Variants in RNF111 observed in about 807,000 individuals in gnomAD.
RNF111 encodes E3 ubiquitin-protein ligase Arkadia.
Under a neutral mutation model 95.1 loss-of-function variants are expected in RNF111, and 17 were observed. The ratio of observed to expected loss-of-function variants is 0.18; its 90% CI spans 0.12 to 0.27. RNF111 has a LOEUF of 0.27. Among genes scored for constraint, RNF111 ranks in the 10% least tolerant of loss-of-function variants. The pLI, the probability that RNF111 is intolerant of heterozygous loss-of-function variation, is 1.00. For missense variants in RNF111, 1,189 were observed against 1,210.4 expected, an observed-to-expected ratio of 0.98 and a Z score of 0.26; for synonymous variants, 440 against 414.8, an observed-to-expected ratio of 1.06 and a Z score of -0.74.
At chr15:59,072,761 C>T (rs1013422527) in intron 6 of RNF111, among the ~76,000 whole-genome samples, 14 of 151,882 alleles carry the variant, frequency 9.2e-5, no homozygotes, top group African/African-American at 2.9e-4. Context: ...CTGTCATTTC[C>T]ATCTTTTTCC....
chr15:58,998,088 A>AC (rs1483852980), intron 1 of RNF111, among the ~76,000 whole-genome samples: 10 of 151,610 alleles, frequency 6.6e-5, no homozygotes. Flanking sequence ...TATTTTTAGT[A>AC]GAGACGTGGT....
intron 2 of RNF111, among the ~76,000 whole-genome samples, chr15:59,037,672 A>G (rs1289568359): frequency 4.6e-5 from 7 of 152,146 alleles, no homozygotes; most frequent in African/African-American, 1.7e-4. Context: ...CCCCGTCTCT[A>G]CTAAAAATAC....
chr15:58,995,966 C>T (rs148858013), intron 1 of RNF111, among the ~76,000 whole-genome samples: 84 of 151,704 alleles, frequency 5.5e-4, no homozygotes, highest in Non-Finnish European at 8.2e-4. Context: ...ATCAGGACAT[C>T]GCTAGGAAAC....
chr15:59,092,668 C>T, intron 13 of RNF111, 28 bp downstream of exon 13: 1 of 1,578,488 alleles, frequency 6.3e-7, no homozygotes, highest in Non-Finnish European at 8.6e-7. Flanking sequence ...ATCTAAAATC[C>T]ATTGTCAAAA....
At chr15:59,038,807 T>C (rs2041307453) in intron 2 of RNF111, among the ~76,000 whole-genome samples, 1 of 152,202 alleles carries the variant, frequency 6.6e-6, no homozygotes, top group Non-Finnish European at 1.5e-5. Flanking sequence ...TTGATGATAC[T>C]GTGTGCTTTC....
intron 5 of RNF111, among the ~76,000 whole-genome samples, chr15:59,065,914 G>T (rs1006945086): frequency 6.6e-6 from 1 of 152,164 alleles, no homozygotes; most frequent in Non-Finnish European, 1.5e-5. Flanking sequence ...AGGAGGCTGA[G>T]GCAGGAGAAT....
At chr15:59,085,432 G>T (rs1178069264) in intron 9 of RNF111, 1 of 270,144 alleles carries the variant, frequency 3.7e-6, no homozygotes. Context: ...GTGAAACCAA[G>T]TAGAAATGCT....
chr15:59,043,897 G>A (rs1168008890), intron 2 of RNF111, among the ~76,000 whole-genome samples: 2 of 152,174 alleles, frequency 1.3e-5, no homozygotes, highest in Non-Finnish European at 2.9e-5. Context: ...ATTGGAATTA[G>A]CTTTGAATTT....
intron 2 of RNF111, among the ~76,000 whole-genome samples, chr15:59,040,645 A>G (rs1486874607): frequency 6.6e-6 from 1 of 152,246 alleles, no homozygotes; most frequent in African/African-American, 2.4e-5. Context: ...TATGCCATAA[A>G]TACGTACACA....
At chr15:59,026,269 C>T (rs1394855331) in intron 1 of RNF111, among the ~76,000 whole-genome samples, 1 of 152,052 alleles carries the variant, frequency 6.6e-6, no homozygotes, top group Non-Finnish European at 1.5e-5. Context: ...AATCCCAACC[C>T]TAATTTTTAG....
At chr15:59,025,989 C>G (rs979838666) in intron 1 of RNF111, among the ~76,000 whole-genome samples, 3 of 151,690 alleles carry the variant, frequency 2.0e-5, no homozygotes, top group Admixed American at 6.6e-5. Context: ...CTTAGCCGCC[C>G]AAAGTGCTGG....
At chr15:59,039,757 G>A (rs2041356668) in intron 2 of RNF111, among the ~76,000 whole-genome samples, 1 of 149,210 alleles carries the variant, frequency 6.7e-6, no homozygotes, top group African/African-American at 2.5e-5. Context: ...TTGTTCTGTT[G>A]CCAGGCTGGA....
At chr15:59,035,600 C>G (rs1468394614) in intron 2 of RNF111, among the ~76,000 whole-genome samples, 3 of 152,160 alleles carry the variant, frequency 2.0e-5, no homozygotes, top group African/African-American at 7.2e-5. Context: ...GCAAATTTTG[C>G]AAATTTTTAT....
intron 1 of RNF111, among the ~76,000 whole-genome samples, chr15:59,022,387 G>A (rs2040389574): frequency 6.6e-6 from 1 of 152,146 alleles, no homozygotes; most frequent in Non-Finnish European, 1.5e-5. Context: ...TTGCTTCTCA[G>A]TTCCTCTTTA....
chr15:59,042,137 T>G (rs1168358313), intron 2 of RNF111, among the ~76,000 whole-genome samples: 3 of 152,078 alleles, frequency 2.0e-5, no homozygotes, highest in Non-Finnish European at 2.9e-5. Context: ...TTTTTTTTCT[T>G]TTTTTGAGAC....
At chr15:59,045,220 G>A (rs1032808957) in intron 2 of RNF111, among the ~76,000 whole-genome samples, 3 of 97,216 alleles carry the variant, frequency 3.1e-5, no homozygotes, top group Non-Finnish European at 6.3e-5. Context: ...CAGAGTTTTT[G>A]TTCTTGTCAC....
Position 59,050,931 on chromosome 15 carries a change from AAG to A in RNF111, c.881-1372_881-1371del, listed in dbSNP as rs1241307781. Among the ~76,000 whole-genome samples, 5 of 152,210 alleles carry A rather than the reference AAG, an allele frequency of 3.3e-5. No individual in the cohort carries two copies. The South Asian group carries it at 8.3e-4, about 25-fold the overall frequency. On this transcript the variant is annotated intron_variant, in intron 2 of 13. Transcript: ENST00000348370. ...GGTATCAAAAATTAATGGGGTAAAA[AAG>A]ATTTTTCAATAAATGTTTTGGTGAT...
chr15:59,035,177 A>G (rs1183673429), intron 2 of RNF111, among the ~76,000 whole-genome samples: 1 of 152,174 alleles, frequency 6.6e-6, no homozygotes, highest in Non-Finnish European at 1.5e-5. Context: ...AACTGCCCCC[A>G]TGAATTATGT....
At chr15:59,088,306 G>A (rs929109148) in intron 10 of RNF111, among the ~76,000 whole-genome samples, 1 of 152,188 alleles carries the variant, frequency 6.6e-6, no homozygotes, top group African/African-American at 2.4e-5. Flanking sequence ...GGGAGGAGAG[G>A]CTTTTCAGGG....
Sources: allele counts gnomAD v4.1 joint callset (sites outside exome capture counted in the v4.1 genomes callset), GRCh38; gene constraint gnomAD v4.1.1; transcripts MANE v1.5; gene names NCBI Gene and HGNC (gene_info 2026-07-23, HGNC 2026-07-21).